Variants in FOCAD observed in about 807,000 individuals in gnomAD.
The protein encoded by FOCAD is KIAA1797.
A neutral mutation model predicts 225.6 loss-of-function variants in FOCAD; 198 were observed. The ratio of observed to expected loss-of-function variants is 0.88; its 90% CI spans 0.78 to 0.99. The LOEUF is 0.99. Ranked by LOEUF, FOCAD falls within the 50% of genes least tolerant of loss-of-function variation. The pLI is 0.00. For synonymous variants in FOCAD, 897 were observed against 755.0 expected (o/e 1.19, Z -3.08); for missense variants, 2,713 against 2,123.6 (o/e 1.28, Z -5.46).
At chr9:20,694,300 G>T (rs191005759) in intron 1 of FOCAD, among the ~76,000 whole-genome samples, 54 of 152,260 alleles carry the variant, frequency 3.5e-4, no homozygotes, top group Non-Finnish European at 6.6e-4. Context: ...GATAAGAGAA[G>T]TGTTTTATTA....
chr9:20,661,675 A>T (rs1370232364), intron 2 of FOCAD, among the ~76,000 whole-genome samples: 2 of 152,184 alleles, frequency 1.3e-5, no homozygotes, highest in East Asian at 3.9e-4. Context: ...CATTGTGTCT[A>T]ATTTTCATAT....
chr9:20,738,929 C>T (rs2131649813), intron 4 of FOCAD, among the ~76,000 whole-genome samples: 1 of 151,934 alleles, frequency 6.6e-6, no homozygotes, highest in South Asian at 2.1e-4. Context: ...ATTTAATATT[C>T]TTTTTTTTGT....
intron 4 of FOCAD, chr9:20,726,165 T>C (rs1826180059): frequency 6.6e-6 from 1 of 152,224 alleles, no homozygotes; most frequent in African/African-American, 2.4e-5. Flanking sequence ...TAGATTGTTT[T>C]TGGTTTTGTT....
chr9:20,870,304 AC>A lies in FOCAD; in HGVS notation c.2190+3293del, dbSNP rs541958065. Among the ~76,000 whole-genome samples the A allele has an allele frequency of 1.7e-3, 265 of 152,318 alleles. 1 individual carries two copies. Among genetic ancestry groups the A allele is most frequent in the African/African-American group, 6.2e-3 (259 of 41,566 alleles). ...TCATCAGAAGCTGTTTCTCTTTTTA[AC>A]TGAATAATTTATGCAGATACTTGAC... On this transcript the variant is annotated intron_variant, in intron 18 of 43. Coordinates refer to ENST00000338382, the MANE Select transcript of FOCAD (RefSeq NM_001375567.1).
intron 2 of FOCAD, chr9:20,658,961 C>G (rs1821614397): frequency 6.6e-6 from 1 of 152,384 alleles, no homozygotes; most frequent in East Asian, 1.9e-4. Context: ...GGTGTGGTGG[C>G]TCACGCCTAG....
intron 26 of FOCAD, among the ~76,000 whole-genome samples, chr9:20,927,509 A>G (rs373147374): frequency 1.1e-4 from 17 of 152,162 alleles, no homozygotes; most frequent in East Asian, 9.6e-4. Flanking sequence ...CTATAAATAC[A>G]AAGTAATGTT....
At chr9:20,896,182 T>C (rs1200690924) in intron 21 of FOCAD, among the ~76,000 whole-genome samples, 2 of 151,980 alleles carry the variant, frequency 1.3e-5, no homozygotes, top group African/African-American at 2.4e-5. Flanking sequence ...GATTTTCTAA[T>C]ATTGATTTAG....
At chr9:20,964,135 G>A (rs1208210997) in intron 35 of FOCAD, among the ~76,000 whole-genome samples, 1 of 152,098 alleles carries the variant, frequency 6.6e-6, no homozygotes, top group African/African-American at 2.4e-5. Flanking sequence ...GGAAGCTGAG[G>A]CAGGTAGATC....
At chr9:20,891,331 GA>G (rs1179407554) in intron 21 of FOCAD, among the ~76,000 whole-genome samples, 3 of 152,176 alleles carry the variant, frequency 2.0e-5, no homozygotes, top group Admixed American at 6.5e-5. Flanking sequence ...TCTACCACTT[GA>G]AACCAAAAGC....
intron 15 of FOCAD, among the ~76,000 whole-genome samples, chr9:20,861,063 C>T (rs1428083521): frequency 6.6e-6 from 1 of 152,122 alleles, no homozygotes; most frequent in African/African-American, 2.4e-5. Context: ...CAAATCTCTT[C>T]TCAGGTCTTA....
rs111336877 is a variant in FOCAD, at chr9:20,868,046, C to T, written c.2190+1034C>T. Among the ~76,000 whole-genome samples the T allele has an allele frequency of 7.5e-3, 1,143 of 152,110 alleles. 20 individuals are homozygous for T. Among genetic ancestry groups the T allele is most frequent in the African/African-American group, 0.026 (1,091 of 41,512 alleles). On this transcript the variant is annotated intron_variant, in intron 18 of 43. Transcript: ENST00000338382. ...AGGACTTACAAAGATAGATTGACCGCTTGTCATGCAGTGATCACAAATGGG... is the reference window on the plus strand; with the variant it reads ...AGGACTTACAAAGATAGATTGACCGTTTGTCATGCAGTGATCACAAATGGG...
intron 23 of FOCAD, among the ~76,000 whole-genome samples, chr9:20,914,469 C>A (rs577066658): frequency 1.3e-5 from 2 of 152,202 alleles, no homozygotes; most frequent in South Asian, 4.1e-4. Context: ...GGTGGCATTA[C>A]CATTTTCTGT....
chr9:20,942,174 A>G (rs556978775), intron 28 of FOCAD, among the ~76,000 whole-genome samples: 2 of 152,354 alleles, frequency 1.3e-5, no homozygotes, highest in African/African-American at 2.4e-5. Context: ...CGCTGTAGCA[A>G]TGAATAGAAT....
chr9:20,739,357 A>G (rs910319851), intron 4 of FOCAD, among the ~76,000 whole-genome samples: 1 of 152,194 alleles, frequency 6.6e-6, no homozygotes, highest in Non-Finnish European at 1.5e-5. Context: ...TAATCCCAGC[A>G]CTTTGGGAGG....
At position 20,862,603 on chromosome 9, in the gene FOCAD, A is replaced by G; in HGVS notation, c.1946A>G (p.Asn649Ser). ...GTTGTTTGCATTCGCTCCACTTGGA[A>G]TGCTCTCTCTCCAAAGCTGAGTTGT... Reference protein sequence around the residue: ...AEVVCIRSTWNALSPKLSCDT... With the variant: ...AEVVCIRSTWSALSPKLSCDT... The change falls in exon 16 of 44, where the codon AAT (asparagine) becomes AGT (serine). Residue 649 changes from asparagine (N) to serine (S), a missense_variant. Physicochemically the swap from Asn to Ser is conservative, Grantham distance 46 (BLOSUM62 1). Transcript: ENST00000338382. 6.2e-7 allele frequency: 1 copy of G among 1,613,390 alleles called. No individual in the cohort carries two copies. Among genetic ancestry groups the G allele is most frequent in the Non-Finnish European group, 8.5e-7 (1 of 1,179,592 alleles).
intron 2 of FOCAD, among the ~76,000 whole-genome samples, chr9:20,671,208 T>A (rs1268975947): frequency 6.6e-6 from 1 of 151,762 alleles, no homozygotes; most frequent in East Asian, 1.9e-4. Context: ...TATATTGAAA[T>A]GTGCACCGTA....
intron 22 of FOCAD, among the ~76,000 whole-genome samples, chr9:20,909,940 T>C (rs1833298974): frequency 6.6e-6 from 1 of 152,082 alleles, no homozygotes; most frequent in African/African-American, 2.4e-5. Flanking sequence ...TAGAGGATCA[T>C]TTAGAGGTGC....
intron 35 of FOCAD, among the ~76,000 whole-genome samples, chr9:20,967,906 T>A (rs1235888496): frequency 6.6e-6 from 1 of 152,162 alleles, no homozygotes; most frequent in Non-Finnish European, 1.5e-5. Context: ...TCTATATTCA[T>A]AATATGTATC....
At chr9:20,879,334 C>G (rs1023547067) in intron 19 of FOCAD, among the ~76,000 whole-genome samples, 1 of 152,108 alleles carries the variant, frequency 6.6e-6, no homozygotes, top group African/African-American at 2.4e-5. Flanking sequence ...GGATTTTAAC[C>G]TTTTGGGATT....
Sources: gnomAD v4.1 joint callset for allele counts (sites outside exome capture counted in the v4.1 genomes callset) on GRCh38, gnomAD v4.1.1 for gene constraint, MANE v1.5 for transcripts, NCBI Gene and HGNC (gene_info 2026-07-23, HGNC 2026-07-21) for gene names.